The following KCNG2 variants were observed in gnomAD, a reference collection of about 807,000 sequenced individuals.
The protein encoded by KCNG2 is potassium voltage-gated channel modifier subfamily G member 2, also known as voltage-gated potassium channel regulatory subunit KCNG2.
KCNG2 carries 7 observed loss-of-function variants against 12.3 expected under a neutral mutation model. The ratio of observed to expected loss-of-function variants is 0.57; its 90% CI spans 0.32 to 1.07. The LOEUF is 1.07. Among genes scored for constraint, KCNG2 ranks in the 50% least tolerant of loss-of-function variants. The pLI is 0.04. For synonymous variants in KCNG2, 414 were observed against 351.4 expected, an observed-to-expected ratio of 1.18 and a Z score of -1.99; for missense variants, 703 against 726.0, an observed-to-expected ratio of 0.97 and a Z score of 0.36.
intron 3 of KCNG2, among the ~76,000 whole-genome samples, chr18:79,881,724 T>C (rs1980303119): frequency 6.6e-6 from 1 of 152,176 alleles, no homozygotes. Context: ...CAGAATCCCA[T>C]TTTCTGCAAT....
intron 1 of KCNG2, among the ~76,000 whole-genome samples, chr18:79,830,277 GT>G (rs1228682863): frequency 6.6e-6 from 1 of 152,184 alleles, no homozygotes; most frequent in Middle Eastern, 3.2e-3. Flanking sequence ...TGTTTCAGGG[GT>G]TTGAGAAGTG....
At chr18:79,880,316 C>CAAA (rs59558361) in intron 3 of KCNG2, among the ~76,000 whole-genome samples, 4,900 of 101,078 alleles carry the variant, frequency 0.048, 198 homozygotes, top group Middle Eastern at 0.082. Context: ...GACTCTGTCT[C>CAAA]AAAAAAAAAA....
At chr18:79,867,747 G>A (rs1402041331) in intron 3 of KCNG2, among the ~76,000 whole-genome samples, 1 of 152,126 alleles carries the variant, frequency 6.6e-6, no homozygotes, top group Non-Finnish European at 1.5e-5. Flanking sequence ...GGCCACACCA[G>A]GAGGCAGAGC....
chr18:79,810,064 G>A (rs1427706833), intron 1 of KCNG2, among the ~76,000 whole-genome samples: 2 of 152,248 alleles, frequency 1.3e-5, no homozygotes, highest in Non-Finnish European at 2.9e-5. Context: ...AAGGGCCGAT[G>A]AGGATGAAAC....
intron 1 of KCNG2, among the ~76,000 whole-genome samples, chr18:79,838,517 C>T (rs1010276767): frequency 6.6e-6 from 1 of 151,810 alleles, no homozygotes; most frequent in African/African-American, 2.4e-5. Context: ...CTCCAGCAGT[C>T]CTTCAACCTC....
Position 79,898,478 on chromosome 18 carries a change from A to G in KCNG2, c.625-562A>G, listed in dbSNP as rs1981058739. The stretch of plus-strand genomic sequence containing the variant: ...CCCCACCCCTCCACCGGACTCCCCA[A>G]GGACGTAGCCCCAGGAGCTGAGGGC... On this transcript the variant is annotated intron_variant, in intron 3 of 3. Transcript: ENST00000316249. Among the ~76,000 whole-genome samples the G allele has an allele frequency of 2.0e-5, 3 of 152,328 alleles. No homozygotes were observed. In the South Asian group the frequency reaches 6.2e-4, roughly 32 times the overall value.
chr18:79,810,987 C>T (rs1040337257), intron 1 of KCNG2, among the ~76,000 whole-genome samples: 5 of 152,170 alleles, frequency 3.3e-5, no homozygotes. Context: ...TTTACTATAG[C>T]ATCAAAAAGA....
In KCNG2 at chr18:79,899,100, T is replaced by G. The variant is rs767721613; in HGVS notation, c.685T>G (p.Phe229Val). 1 of 1,603,498 alleles carries G rather than the reference T, an allele frequency of 6.2e-7. No homozygotes were observed. Among genetic ancestry groups the G allele is most frequent in the East Asian group, 2.3e-5 (1 of 44,300 alleles). ...FVLETVCVAW[F>V]SFEFLLRSLQ... ...GCTGGAGACCGTGTGCGTGGCCTGG[T>G]TCTCCTTCGAGTTCCTGCTGCGCTC... Residue 229 changes from phenylalanine (F) to valine (V), a missense_variant, in exon 4 of 4, where the codon TTC becomes GTC. Coordinates refer to ENST00000316249, the MANE Select transcript of KCNG2 (RefSeq NM_012283.2).
intron 3 of KCNG2, among the ~76,000 whole-genome samples, chr18:79,874,452 G>A (rs866934972): frequency 1.1e-4 from 17 of 152,208 alleles, no homozygotes; most frequent in Non-Finnish European, 1.9e-4. Flanking sequence ...CTTACTGCGC[G>A]TCAGTCAGAG....
intron 1 of KCNG2, among the ~76,000 whole-genome samples, chr18:79,845,536 T>G (rs1187578966): frequency 6.6e-6 from 1 of 152,252 alleles, no homozygotes; most frequent in Non-Finnish European, 1.5e-5. Flanking sequence ...GTACATACCC[T>G]GCTTTGTGGA....
intron 1 of KCNG2, among the ~76,000 whole-genome samples, chr18:79,841,178 G>A (rs1457551139): frequency 6.6e-6 from 1 of 152,150 alleles, no homozygotes; most frequent in Non-Finnish European, 1.5e-5. Flanking sequence ...GACTGAGGTG[G>A]GAAGATTGCT....
At chr18:79,839,910 T>A (rs1412844797) in intron 1 of KCNG2, among the ~76,000 whole-genome samples, 1 of 152,178 alleles carries the variant, frequency 6.6e-6, no homozygotes, top group African/African-American at 2.4e-5. Context: ...GCAAAAAACT[T>A]TTTAAATAAC....
At chr18:79,844,736 A>T (rs763759242) in intron 1 of KCNG2, among the ~76,000 whole-genome samples, 2 of 152,240 alleles carry the variant, frequency 1.3e-5, no homozygotes, top group Non-Finnish European at 2.9e-5. Flanking sequence ...GCCTAAAATT[A>T]AAAACGGTGA....
intron 1 of KCNG2, among the ~76,000 whole-genome samples, chr18:79,838,878 A>G (rs1978378252): frequency 6.6e-6 from 1 of 152,264 alleles, no homozygotes; most frequent in South Asian, 2.1e-4. Context: ...TGCAGTACCT[A>G]GAAGAGGAAG....
chr18:79,846,801 C>T (rs1448243162), intron 1 of KCNG2, among the ~76,000 whole-genome samples: 2 of 152,144 alleles, frequency 1.3e-5, no homozygotes, highest in African/African-American at 2.4e-5. Flanking sequence ...TTCCAGTTGT[C>T]GCATGGCCCT....
chr18:79,859,818 A>G (rs577868603), intron 2 of KCNG2, among the ~76,000 whole-genome samples: 3 of 152,276 alleles, frequency 2.0e-5, no homozygotes, highest in African/African-American at 7.2e-5. Context: ...ATTCTGCTCC[A>G]TTGATTTTTA....
intron 1 of KCNG2, among the ~76,000 whole-genome samples, chr18:79,843,941 A>G (rs992369883): frequency 4.6e-5 from 7 of 152,244 alleles, no homozygotes; most frequent in African/African-American, 1.7e-4. Flanking sequence ...GAATCACTGA[A>G]TGGATTTTAA....
chr18:79,874,748 A>T (rs1209608196), intron 3 of KCNG2, among the ~76,000 whole-genome samples: 1 of 152,158 alleles, frequency 6.6e-6, no homozygotes, highest in Non-Finnish European at 1.5e-5. Flanking sequence ...CCTCCTCTCC[A>T]GGAGGCCGGC....
intron 1 of KCNG2, among the ~76,000 whole-genome samples, chr18:79,853,108 G>C (rs1978883558): frequency 6.6e-6 from 1 of 152,238 alleles, no homozygotes; most frequent in Admixed American, 6.5e-5. Flanking sequence ...CTGGTCACTT[G>C]TGTGTGCCCT....
Sources: allele counts gnomAD v4.1 joint callset (sites outside exome capture counted in the v4.1 genomes callset), GRCh38; gene constraint gnomAD v4.1.1; transcripts MANE v1.5; gene names NCBI Gene and HGNC (gene_info 2026-07-23, HGNC 2026-07-21).